Variants in XKR6 observed in about 807,000 individuals in gnomAD.
XKR6 encodes XK related 6.
XKR6 carries 22 observed loss-of-function variants against 56.7 expected under a neutral mutation model. The ratio of observed to expected loss-of-function variants is 0.39; its 90% CI spans 0.28 to 0.55. The LOEUF is 0.55. XKR6 is among the 20% of genes least tolerant of loss of function. The pLI is 0.66. For missense variants in XKR6, 852 were observed against 889.0 expected (o/e 0.96, Z 0.53); for synonymous variants, 524 against 387.8 (o/e 1.35, Z -4.13).
At chr8:11,043,248 C>T (rs755812530) in intron 1 of XKR6, among the ~76,000 whole-genome samples, 2 of 151,976 alleles carry the variant, frequency 1.3e-5, no homozygotes, top group African/African-American at 4.8e-5. Context: ...ACACTCTTAG[C>T]GTGAGCACTC....
At chr8:11,012,571 A>G (rs966636650) in intron 1 of XKR6, among the ~76,000 whole-genome samples, 2 of 152,034 alleles carry the variant, frequency 1.3e-5, no homozygotes, top group Non-Finnish European at 2.9e-5. Flanking sequence ...TTCCAGTACC[A>G]TGGGGGAGGA....
intron 1 of XKR6, among the ~76,000 whole-genome samples, chr8:10,939,933 C>T (rs1197057324): frequency 1.3e-5 from 2 of 152,244 alleles, no homozygotes; most frequent in Non-Finnish European, 2.9e-5. Flanking sequence ...GCCTCCCCCT[C>T]CCCCAGGTGT....
intron 2 of XKR6, among the ~76,000 whole-genome samples, chr8:10,921,357 G>A (rs1015278168): frequency 6.3e-4 from 96 of 152,218 alleles, no homozygotes; most frequent in African/African-American, 2.0e-3. Context: ...AAGGATAGGC[G>A]TCTTTGCAAA....
intron 1 of XKR6, among the ~76,000 whole-genome samples, chr8:11,041,018 TA>T (rs1799273388): frequency 1.3e-5 from 2 of 152,134 alleles, no homozygotes; most frequent in South Asian, 4.2e-4. Context: ...TGCAGGGACC[TA>T]GGGGCAATGT....
intron 1 of XKR6, among the ~76,000 whole-genome samples, chr8:11,042,223 T>A (rs1475413288): frequency 6.6e-6 from 1 of 151,864 alleles, no homozygotes; most frequent in Non-Finnish European, 1.5e-5. Flanking sequence ...ACCAGAAGTG[T>A]TTAGGATTCC....
At chr8:11,109,284 T>G (rs77334663) in intron 1 of XKR6, 2 of 152,204 alleles carry the variant, frequency 1.3e-5, no homozygotes, top group African/African-American at 4.8e-5. Context: ...CTACGTTCAG[T>G]TGTCTACATT....
At chr8:10,971,408 G>A (rs575348312) in intron 1 of XKR6, among the ~76,000 whole-genome samples, 52 of 152,050 alleles carry the variant, frequency 3.4e-4, no homozygotes, top group Non-Finnish European at 2.8e-4. Flanking sequence ...GTGACAGAGC[G>A]AGACTCCATC....
chr8:11,102,467 G>A (rs1403283260), intron 1 of XKR6, among the ~76,000 whole-genome samples: 1 of 152,166 alleles, frequency 6.6e-6, no homozygotes, highest in African/African-American at 2.4e-5. Flanking sequence ...ATAGCTCTCT[G>A]AGAAGACAAT....
At chr8:11,087,230 A>G (rs1160936653) in intron 1 of XKR6, among the ~76,000 whole-genome samples, 1 of 152,152 alleles carries the variant, frequency 6.6e-6, no homozygotes, top group Non-Finnish European at 1.5e-5. Context: ...CCCTTGGAGG[A>G]GGCATTCAAC....
chr8:11,058,773 C>T (rs2129162729), intron 1 of XKR6, among the ~76,000 whole-genome samples: 1 of 152,218 alleles, frequency 6.6e-6, no homozygotes, highest in South Asian at 2.1e-4. Context: ...TTGATAGGTG[C>T]AACAAACCAC....
chr8:11,062,590 G>A (rs534809449), intron 1 of XKR6: 3 of 369,178 alleles, frequency 8.1e-6, no homozygotes, highest in Non-Finnish European at 1.6e-5. Context: ...GCACTAGCAA[G>A]GGAGAGCTTC....
chr8:11,010,377 A>T (rs1798472760), intron 1 of XKR6, among the ~76,000 whole-genome samples: 1 of 152,188 alleles, frequency 6.6e-6, no homozygotes, highest in Non-Finnish European at 1.5e-5. Flanking sequence ...GTAATAGTAA[A>T]AACTGGTCCC....
At chr8:10,997,450 T>C (rs1798139826) in intron 1 of XKR6, among the ~76,000 whole-genome samples, 1 of 152,108 alleles carries the variant, frequency 6.6e-6, no homozygotes. Flanking sequence ...GGGGTGGCGG[T>C]CTGAGCTCAG....
At chr8:11,077,581 T>C (rs1169364449) in intron 1 of XKR6, among the ~76,000 whole-genome samples, 4 of 152,090 alleles carry the variant, frequency 2.6e-5, no homozygotes, top group Admixed American at 2.6e-4. Context: ...GTCCTGTAAA[T>C]CTCCAGGAGG....
chr8:11,195,260 C>A, intron 1 of XKR6: 1 of 689,030 alleles, frequency 1.5e-6, no homozygotes, highest in Non-Finnish European at 2.6e-6. Context: ...AGTGTTTTTA[C>A]AGTTTAACAT....
chr8:10,955,347 AT>A (rs1801852144), intron 1 of XKR6, among the ~76,000 whole-genome samples: 1 of 151,896 alleles, frequency 6.6e-6, no homozygotes, highest in Non-Finnish European at 1.5e-5. Flanking sequence ...TAATTTTCTT[AT>A]TTTTTTATTT....
chr8:11,045,813 A>T (rs1030969814), intron 1 of XKR6, among the ~76,000 whole-genome samples: 3 of 152,214 alleles, frequency 2.0e-5, no homozygotes, highest in African/African-American at 7.2e-5. Flanking sequence ...CCACAAGGAA[A>T]ATGGAAGAAA....
intron 1 of XKR6, among the ~76,000 whole-genome samples, chr8:10,953,236 G>C (rs956785497): frequency 6.6e-6 from 1 of 152,156 alleles, no homozygotes; most frequent in African/African-American, 2.4e-5. Flanking sequence ...CTGGTCCCTG[G>C]TGCCAAAAAG....
At chr8:11,195,070 G>C in intron 1 of XKR6, 2 of 696,462 alleles carry the variant, frequency 2.9e-6, no homozygotes, top group Non-Finnish European at 5.2e-6. Flanking sequence ...AAGTATCTCT[G>C]TCTCAATTTA....
Sources: gnomAD v4.1 joint callset for allele counts (sites outside exome capture counted in the v4.1 genomes callset) on GRCh38, gnomAD v4.1.1 for gene constraint, MANE v1.5 for transcripts, NCBI Gene and HGNC (gene_info 2026-07-23, HGNC 2026-07-21) for gene names.